Variants in SMC5 observed in about 807,000 individuals in gnomAD.
SMC5 encodes structural maintenance of chromosomes 5.
SMC5 carries 88 observed loss-of-function variants against 148.3 expected under a neutral mutation model. The observed-to-expected ratio is 0.59, with a 90% CI of 0.50 to 0.71. The LOEUF (loss-of-function observed/expected upper bound fraction) is 0.71, where lower values mean the gene tolerates loss of function less well. Among genes scored for constraint, SMC5 ranks in the 30% least tolerant of loss-of-function variants. The pLI is 0.00. For missense variants in SMC5, 1,142 were observed against 1,298.9 expected, an observed-to-expected ratio of 0.88 and a Z score of 1.86; for synonymous variants, 421 against 432.8, an observed-to-expected ratio of 0.97 and a Z score of 0.34.
intron 3 of SMC5, among the ~76,000 whole-genome samples, chr9:70,270,304 G>A (rs976926564): frequency 8.5e-5 from 13 of 152,296 alleles, no homozygotes; most frequent in East Asian, 1.9e-4. Context: ...GGAAGGGTCC[G>A]GAGTGCAGGA....
chr9:70,340,523 A>G (rs1393404148), intron 17 of SMC5, among the ~76,000 whole-genome samples: 1 of 151,990 alleles, frequency 6.6e-6, no homozygotes, highest in Non-Finnish European at 1.5e-5. Context: ...ACTAAAACAA[A>G]TGGTTAACAT....
intron 11 of SMC5, chr9:70,311,747 G>A (rs2035664154): frequency 6.6e-6 from 1 of 151,692 alleles, no homozygotes; most frequent in African/African-American, 2.4e-5. Context: ...TTGAAGGTCA[G>A]TAAAGCAAAG....
intron 8 of SMC5, among the ~76,000 whole-genome samples, chr9:70,290,004 G>T (rs2035016518): frequency 6.6e-6 from 1 of 152,044 alleles, no homozygotes; most frequent in Non-Finnish European, 1.5e-5. Flanking sequence ...CAAAGGAAAT[G>T]CACTTTAGAG....
intron 2 of SMC5, among the ~76,000 whole-genome samples, chr9:70,266,266 T>C (rs1342879880): frequency 1.3e-5 from 2 of 152,130 alleles, no homozygotes; most frequent in Admixed American, 6.5e-5. Context: ...TGTGTGTGTT[T>C]AGTGCTATAT....
At chr9:70,289,190 A>AT (rs1242011465) in intron 8 of SMC5, among the ~76,000 whole-genome samples, 2 of 152,042 alleles carry the variant, frequency 1.3e-5, no homozygotes, top group African/African-American at 2.4e-5. Flanking sequence ...GGCATGCACC[A>AT]CCACGCCTGG....
Position 70,300,022 on chromosome 9 carries a change from CTTTGT to C in SMC5, c.1310-15_1310-11del, listed in dbSNP as rs758233648. 2.0e-6 allele frequency: 3 copies of C among 1,532,602 alleles called. No homozygotes were observed. Among genetic ancestry groups the C allele is most frequent in the Non-Finnish European group, 2.6e-6 (3 of 1,147,732 alleles). The allele number at this position is 1,532,602 out of a possible 1,614,324, so 94.9% of individuals were successfully genotyped here. A position where few individuals can be genotyped will look rare whatever the true frequency, so the allele number is the denominator to read the frequency against. On this transcript the variant is annotated intron_variant, in intron 9 of 24. Transcript: ENST00000361138. Reference sequence around the variant, plus strand: ...AATTAAAATTTTCAGAGAAACAAGACTTTGTTTTGTTTTACAATTTTAGGTGTGGA... The same window carrying C: ...AATTAAAATTTTCAGAGAAACAAGACTTTGTTTTACAATTTTAGGTGTGGA...
intron 2 of SMC5, 124 bp downstream of exon 2, chr9:70,264,569 A>G (rs996205253): frequency 4.0e-5 from 35 of 865,580 alleles, no homozygotes; most frequent in African/African-American, 1.7e-5. Flanking sequence ...CAAGGAATAA[A>G]TTTGGCAGGT....
chr9:70,266,393 A>G lies in SMC5; in HGVS notation c.328-1530A>G, dbSNP rs116368291. ...TTCAAAGATGAGAGAGTTGGAACAG[A>G]TAGCATCCAAGGACCAACTCAGATT... On this transcript the variant is annotated intron_variant, in intron 2 of 24. Transcript: ENST00000361138. Among the ~76,000 whole-genome samples, 720 of 152,310 alleles carry G rather than the reference A, an allele frequency of 4.7e-3. 6 individuals carry two copies. The highest frequency in any genetic ancestry group is 0.016 in the African/African-American group (667 of 41,564).
chr9:70,346,575 A>G lies in SMC5; in HGVS notation c.2524-30A>G, dbSNP rs748908127. 8 of 1,612,184 alleles carry G rather than the reference A, an allele frequency of 5.0e-6. No individual in the cohort carries two copies. The South Asian group carries it at 6.6e-5, about 13-fold the overall frequency. On this transcript the variant is annotated intron_variant, in intron 18 of 24. Coordinates refer to ENST00000361138, the MANE Select transcript of SMC5 (RefSeq NM_015110.4). ...ACTTCTTGCTCTCTTTCAATGCCCC[A>G]CATATTCTGGACCCATTCTACCAAT...
At position 70,323,869 on chromosome 9, in the gene SMC5, A is replaced by G. The variant is rs2036010448; in HGVS notation, c.2275-152A>G. 1.3e-5 allele frequency: 11 copies of G among 834,132 alleles called. 1 individual carries two copies. The South Asian group carries it at 2.5e-4, about 19-fold the overall frequency. The allele number at this position is 834,132 out of a possible 1,614,324, so 51.7% of individuals were successfully genotyped here. On this transcript the variant is annotated intron_variant, in intron 16 of 24. Coordinates refer to ENST00000361138, the MANE Select transcript of SMC5 (RefSeq NM_015110.4). ...AAAACAAAGGAAAACACTTTCTAAAAAATTGTTACAAGAACTGTTTGAGAG... is the reference window on the plus strand; with the variant it reads ...AAAACAAAGGAAAACACTTTCTAAAGAATTGTTACAAGAACTGTTTGAGAG...
chr9:70,325,162 T>A (rs2036047335), intron 17 of SMC5, among the ~76,000 whole-genome samples: 1 of 152,188 alleles, frequency 6.6e-6, no homozygotes, highest in South Asian at 2.1e-4. Flanking sequence ...ATACAGTTGA[T>A]CTTTGTGGCA....
At chr9:70,339,165 C>A (rs765616942) in intron 17 of SMC5, among the ~76,000 whole-genome samples, 1 of 152,136 alleles carries the variant, frequency 6.6e-6, no homozygotes, top group African/African-American at 2.4e-5. Context: ...CACGGTGGCT[C>A]ACGCCTGTAA....
chr9:70,321,323 C>T (rs1421676951), intron 15 of SMC5, among the ~76,000 whole-genome samples: 1 of 151,796 alleles, frequency 6.6e-6, no homozygotes, highest in East Asian at 1.9e-4. Context: ...AGAATTATGT[C>T]TGCTTGGCCT....
intron 17 of SMC5, among the ~76,000 whole-genome samples, chr9:70,331,670 G>C (rs2036222529): frequency 6.6e-6 from 1 of 152,250 alleles, no homozygotes; most frequent in Admixed American, 6.5e-5. Flanking sequence ...GTTGAAGCTG[G>C]ATAATAGGTA....
chr9:70,316,105 T>C (rs1393456379), intron 13 of SMC5, among the ~76,000 whole-genome samples: 1 of 152,074 alleles, frequency 6.6e-6, no homozygotes, highest in Non-Finnish European at 1.5e-5. Flanking sequence ...AAGAAACTCC[T>C]AGTTTCTGTA....
At chr9:70,272,177 C>T (rs746430329) in intron 3 of SMC5, among the ~76,000 whole-genome samples, 61 of 152,224 alleles carry the variant, frequency 4.0e-4, no homozygotes, top group Admixed American at 7.8e-4. Flanking sequence ...AGGGAGGACT[C>T]CAAGATGTCT....
At chr9:70,267,260 A>G (rs1055556640) in intron 2 of SMC5, among the ~76,000 whole-genome samples, 1 of 152,106 alleles carries the variant, frequency 6.6e-6, no homozygotes, top group Non-Finnish European at 1.5e-5. Context: ...CTTTTTTAAT[A>G]TTTATCACTT....
intron 7 of SMC5, among the ~76,000 whole-genome samples, chr9:70,285,759 G>A (rs1162430970): frequency 6.6e-6 from 1 of 152,158 alleles, no homozygotes; most frequent in African/African-American, 2.4e-5. Context: ...TGTGTTTTAT[G>A]TGTTAATGAA....
chr9:70,330,180 G>A (rs781045626), intron 17 of SMC5, among the ~76,000 whole-genome samples: 107 of 152,244 alleles, frequency 7.0e-4, no homozygotes, highest in Non-Finnish European at 1.2e-3. Context: ...CGCTAAAACA[G>A]GGTTTCTCAC....
Sources: gnomAD v4.1 joint callset for allele counts (sites outside exome capture counted in the v4.1 genomes callset) on GRCh38, gnomAD v4.1.1 for gene constraint, MANE v1.5 for transcripts, NCBI Gene and HGNC (gene_info 2026-07-23, HGNC 2026-07-21) for gene names.